The following F9 variants were observed in gnomAD, a reference collection of about 807,000 sequenced individuals.
The protein encoded by F9 is Christmas factor.
A neutral mutation model predicts 34.1 loss-of-function variants in F9; 2 were observed. That is an observed-to-expected ratio of 0.06 (90% CI 0.02 to 0.18). The LOEUF is 0.18. Among genes scored for constraint, F9 ranks in the 10% least tolerant of loss-of-function variants. The pLI is 1.00. For missense variants in F9, 216 were observed against 345.1 expected, an observed-to-expected ratio of 0.63 and a Z score of 2.96; for synonymous variants, 137 against 118.8, an observed-to-expected ratio of 1.15 and a Z score of -1.00.
chrX:139,549,136 G>A (rs1360035679), intron 5 of F9, among the ~76,000 whole-genome samples: 2 of 111,860 alleles, frequency 1.8e-5, no homozygotes, highest in East Asian at 5.6e-4. Context: ...GTTATCTAAA[G>A]ATGAAAGCAG....
intron 4 of F9, chrX:139,548,014 T>G (rs555017057): frequency 5.5e-6 from 1 of 181,701 alleles, no homozygotes; most frequent in Middle Eastern, 2.0e-3. Context: ...ATTTACTTTG[T>G]GAAAACTTAC....
intron 4 of F9, among the ~76,000 whole-genome samples, chrX:139,542,417 G>A (rs898033899): frequency 8.9e-6 from 1 of 111,827 alleles, no homozygotes; most frequent in Non-Finnish European, 1.9e-5. Flanking sequence ...CCTTTCTTGA[G>A]AGTGTGTTAA....
chrX:139,561,768 C>T lies in F9; in HGVS notation c.1083C>T (p.His361=), dbSNP rs1333808596. Residue 361 remains histidine (H), a synonymous_variant, in exon 8 of 8, where the codon CAC becomes CAT. Transcript: ENST00000218099. ...TAAGTGGCTGGGGAAGAGTCTTCCA[C>T]AAAGGGAGATCAGCTTTAGTTCTTC... ...GYVSGWGRVF[H]KGRSALVLQY... is the part of the protein sequence containing the mutation. 8.3e-7 allele frequency: 1 copy of T among 1,211,857 alleles called. No individual in the cohort carries two copies. Among genetic ancestry groups the T allele is most frequent in the Admixed American group, 2.2e-5 (1 of 46,050 alleles).
chrX:139,550,288 A>G (rs974076998), intron 5 of F9, among the ~76,000 whole-genome samples: 2 of 112,451 alleles, frequency 1.8e-5, no homozygotes, highest in African/African-American at 6.4e-5. Context: ...TGCTGTCTTC[A>G]TGATACTTTG....
chrX:139,547,837 G>A (rs1427492969), intron 4 of F9: 4 of 113,190 alleles, frequency 3.5e-5, no homozygotes, highest in Middle Eastern at 4.6e-3. Flanking sequence ...TACATATTGC[G>A]AACTTCTGTT....
chrX:139,557,139 CTA>C (rs1329801078), intron 6 of F9, among the ~76,000 whole-genome samples: 2 of 111,655 alleles, frequency 1.8e-5, no homozygotes, highest in African/African-American at 3.3e-5. Flanking sequence ...TCCCATTAGA[CTA>C]TGACTAACAA....
At chrX:139,548,527 G>A (rs1216093143) in intron 5 of F9, 36 bp downstream of exon 5, 2 of 1,183,922 alleles carry the variant, frequency 1.7e-6, no homozygotes, top group South Asian at 1.9e-5. Flanking sequence ...AAGAAAATCT[G>A]TATCTGAAAC....
At chrX:139,548,060 A>G (rs1363684606) in intron 4 of F9, among the ~76,000 whole-genome samples, 1 of 112,315 alleles carries the variant, frequency 8.9e-6, no homozygotes, top group Admixed American at 9.4e-5. Flanking sequence ...TATATGTTAT[A>G]CATTAATAAA....
intron 4 of F9, among the ~76,000 whole-genome samples, chrX:139,543,777 A>G (rs1008134603): frequency 1.8e-5 from 2 of 111,564 alleles, no homozygotes; most frequent in Non-Finnish European, 3.8e-5. Flanking sequence ...TCTTCAACAG[A>G]TATTCTAGGC....
At chrX:139,553,843 T>TTAA (rs1310428033) in intron 6 of F9, among the ~76,000 whole-genome samples, 1 of 67,553 alleles carries the variant, frequency 1.5e-5, no homozygotes, top group Non-Finnish European at 2.9e-5. Flanking sequence ...AGTCCAAGAT[T>TTAA]AAAAAAAAAA....
At chrX:139,541,473 A>T (rs909273566) in intron 4 of F9, among the ~76,000 whole-genome samples, 17 of 111,818 alleles carry the variant, frequency 1.5e-4, no homozygotes, top group Admixed American at 1.2e-3. Flanking sequence ...TGCGCATTCT[A>T]TGCAGATGAG....
intron 5 of F9, among the ~76,000 whole-genome samples, chrX:139,550,789 C>G (rs1253664383): frequency 9.0e-6 from 1 of 111,466 alleles, no homozygotes; most frequent in Non-Finnish European, 1.9e-5. Context: ...AAAGTCTTAC[C>G]AAATTTGATT....
At chrX:139,542,673 T>G (rs2148358633) in intron 4 of F9, among the ~76,000 whole-genome samples, 1 of 111,880 alleles carries the variant, frequency 8.9e-6, no homozygotes, top group South Asian at 3.7e-4. Flanking sequence ...CTTTACCTAG[T>G]TTAAAAATAA....
At chrX:139,560,619 C>G in intron 6 of F9, 122 bp from the exon 7 acceptor site, 2 of 522,718 alleles carry the variant, frequency 3.8e-6, no homozygotes, top group Non-Finnish European at 6.8e-6. Flanking sequence ...TTTCCAGAAA[C>G]ATTCCATTTC....
intron 3 of F9, among the ~76,000 whole-genome samples, chrX:139,540,504 C>T (rs1927578942): frequency 8.9e-6 from 1 of 111,878 alleles, no homozygotes; most frequent in Non-Finnish European, 1.9e-5. Flanking sequence ...ATGCTTCTGA[C>T]ATGTTTTCTA....
In F9 at chrX:139,562,149, C is replaced by CTT; in HGVS notation, c.*81_*82dup. 1 of 890,879 alleles carries CTT rather than the reference C, an allele frequency of 1.1e-6. No homozygotes were observed. The highest frequency in any genetic ancestry group is 1.6e-6 in the Non-Finnish European group (1 of 614,937). 73.4% of individuals were successfully genotyped at this position (890,879 alleles called of 1,213,427 possible). On this transcript the variant is annotated 3_prime_UTR_variant, in exon 8 of 8. Transcript: ENST00000218099. ...TCTCACTAACTAATCACTTTCCCAT[C>CTT]TTTTGTTAGATTTGAATATATACAT...
chrX:139,532,534 G>C (rs1274851835), intron 1 of F9, among the ~76,000 whole-genome samples: 1 of 111,412 alleles, frequency 9.0e-6, no homozygotes, highest in Non-Finnish European at 1.9e-5. Flanking sequence ...CTGTGTCAGG[G>C]TACTAGGGGT....
Position 139,562,149 on chromosome X carries a change from C to T in F9, c.*78C>T. 1.1e-6 allele frequency: 1 copy of T among 890,879 alleles called. No individual in the cohort carries two copies. The highest frequency in any genetic ancestry group is 1.9e-5 in the African/African-American group (1 of 51,390). 73.4% of individuals were successfully genotyped at this position (890,879 alleles called of 1,213,427 possible). A position where few individuals can be genotyped will look rare whatever the true frequency, so the allele number is the denominator to read the frequency against. The stretch of plus-strand genomic sequence containing the variant: ...TCTCACTAACTAATCACTTTCCCAT[C>T]TTTTGTTAGATTTGAATATATACAT... On this transcript the variant is annotated 3_prime_UTR_variant, in exon 8 of 8. Coordinates refer to ENST00000218099, the MANE Select transcript of F9 (RefSeq NM_000133.4).
chrX:139,531,340 G>A (rs4149659), intron 1 of F9, among the ~76,000 whole-genome samples: 3,058 of 111,977 alleles, frequency 0.027, 112 homozygotes, highest in African/African-American at 0.094. Flanking sequence ...GTAATGAGGT[G>A]TGTCTCTAAT....
Sources: allele counts gnomAD v4.1 joint callset (sites outside exome capture counted in the v4.1 genomes callset), GRCh38; gene constraint gnomAD v4.1.1; transcripts MANE v1.5; gene names NCBI Gene and HGNC (gene_info 2026-07-23, HGNC 2026-07-21).